Variants in EBF3 observed in about 807,000 individuals in gnomAD.
The protein encoded by EBF3 is EBF transcription factor 3, also known as transcription factor COE3.
Under a neutral mutation model 77.1 loss-of-function variants are expected in EBF3, and 18 were observed. The observed-to-expected ratio is 0.23, with a 90% confidence interval of 0.16 to 0.35. The LOEUF is 0.35. Among genes scored for constraint, EBF3 ranks in the 10% least tolerant of loss-of-function variants. The pLI, the probability that EBF3 is intolerant of heterozygous loss-of-function variation, is 1.00. For missense variants in EBF3, 558 were observed against 860.0 expected (o/e 0.65, Z 4.39); for synonymous variants, 350 against 343.5 (o/e 1.02, Z -0.21).
rs1231007613 is a variant in EBF3 at position 129,963,948 on chromosome 10, G to T, written c.-180C>A. 3 of 1,044,016 alleles carry T rather than the reference G, an allele frequency of 2.9e-6. No homozygotes were observed. Among genetic ancestry groups the T allele is most frequent in the Non-Finnish European group, 3.4e-6 (3 of 870,244 alleles). The allele number at this position is 1,044,016 out of a possible 1,614,324, so 64.7% of individuals were successfully genotyped here. ...GCGCGACATACACCAGCGGCCGGGC[G>T]CTCCGGACGGCCAGGGGCGCGGAGG... On this transcript the variant is annotated 5_prime_UTR_variant, in exon 1 of 17. Coordinates refer to ENST00000440978, the MANE Select transcript of EBF3 (RefSeq NM_001375380.1). The surrounding 1 kb of genome is among the most constrained non-coding windows in gnomAD (Gnocchi z 7.1).
Position 129,840,887 on chromosome 10 carries a change from C to A in EBF3, c.1518G>T (p.Ser506=), listed in dbSNP as rs372476626. The change falls in exon 14 of 17, where the codon TCG becomes TCT. Residue 506 remains serine, a synonymous_variant. Coordinates refer to ENST00000440978, the MANE Select transcript of EBF3 (RefSeq NM_001375380.1). The stretch of plus-strand genomic sequence containing the variant: ...CGGAGGAGCCATTAAGAAATCCAGG[C>A]GAGCCAGGGACCCCTAGACTGGCCA... ...GAMASLGVPG[S]PGFLNGSSAN... The A allele has an allele frequency of 1.2e-6, 2 of 1,613,774 alleles. No homozygotes were observed. The highest frequency in any genetic ancestry group is 1.1e-5 in the South Asian group (1 of 91,050).
In EBF3 at chr10:129,868,619, G is replaced by A. The variant is rs560669278; in HGVS notation, c.782-707C>T. Among the ~76,000 whole-genome samples, 62 of 152,336 alleles carry A rather than the reference G, an allele frequency of 4.1e-4. 1 individual carries two copies. In the South Asian group the frequency reaches 6.2e-3, roughly 15 times the overall value. On this transcript the variant is annotated intron_variant, in intron 8 of 16. Transcript: ENST00000440978. The stretch of plus-strand genomic sequence containing the variant: ...CAGCCCTGCTGGGGCGGGAGGGGTT[G>A]GGGGCACACAGACAGCAGAAGGAGG...
chr10:129,919,645 A>G (rs991669461), intron 6 of EBF3, among the ~76,000 whole-genome samples: 2 of 152,190 alleles, frequency 1.3e-5, no homozygotes, highest in Admixed American at 1.3e-4. Flanking sequence ...TCCAGAGCAC[A>G]GCTCAAGTGT....
chr10:129,865,078 C>A (rs1324681068), intron 10 of EBF3, among the ~76,000 whole-genome samples: 1 of 152,142 alleles, frequency 6.6e-6, no homozygotes, highest in Non-Finnish European at 1.5e-5. Context: ...GCCTCTACAG[C>A]CAGATGTGCC....
At chr10:129,838,192 A>G (rs1240351921) in intron 16 of EBF3, among the ~76,000 whole-genome samples, 2 of 147,712 alleles carry the variant, frequency 1.4e-5, no homozygotes, top group East Asian at 3.9e-4. Context: ...AGCCCTCCTC[A>G]AAGGCTTCTT....
In EBF3 at chr10:129,963,283, G is replaced by A. The variant is rs768463449; in HGVS notation, c.291+84C>T. 2 of 1,534,258 alleles carry A rather than the reference G, an allele frequency of 1.3e-6. No individual in the cohort carries two copies. Among genetic ancestry groups the A allele is most frequent in the Non-Finnish European group, 8.8e-7 (1 of 1,142,120 alleles). On this transcript the variant is annotated intron_variant, in intron 2 of 16. Coordinates refer to ENST00000440978, the MANE Select transcript of EBF3 (RefSeq NM_001375380.1). The surrounding 1 kb of genome is among the most constrained non-coding windows in gnomAD (Gnocchi z 7.1). ...GGCGGAGCCGAGCCCGCCGCCTAGG[G>A]GGGCACTCGAACCCCCGCGCACCGG... is the stretch of plus-strand genomic sequence containing the variant.
chr10:129,914,675 G>A (rs1253855307), intron 6 of EBF3, among the ~76,000 whole-genome samples: 2 of 152,204 alleles, frequency 1.3e-5, no homozygotes, highest in East Asian at 1.9e-4. Context: ...CGGTCCATCT[G>A]AAAGCACGGG....
chr10:129,866,020 G>A (rs931733613), intron 10 of EBF3, among the ~76,000 whole-genome samples: 9 of 152,214 alleles, frequency 5.9e-5, no homozygotes, highest in Non-Finnish European at 5.9e-5. Context: ...ACTGTCACTC[G>A]GTTCCAGCAG....
At chr10:129,856,674 G>T (rs1008672939) in intron 10 of EBF3, among the ~76,000 whole-genome samples, 1 of 152,186 alleles carries the variant, frequency 6.6e-6, no homozygotes, top group South Asian at 2.1e-4. Context: ...AGAGACAGAC[G>T]CTACCCAAGG....
chr10:129,943,976 C>T lies in EBF3; in HGVS notation c.554+13282G>A, dbSNP rs565050768. On this transcript the variant is annotated intron_variant, in intron 6 of 16. Transcript: ENST00000440978. This position sits in a 1 kb window ranked among gnomAD's most constrained non-coding sequence, Gnocchi z 8.8. ...TCCATGGGTAAAATATCTCCCCAGACCTTCCCACCCTATGCGTGATTTCTG... is the reference window on the plus strand; with the variant it reads ...TCCATGGGTAAAATATCTCCCCAGATCTTCCCACCCTATGCGTGATTTCTG... 2.2e-4 allele frequency among the ~76,000 whole-genome samples: 34 copies of T among 152,314 alleles called. No individual in the cohort carries two copies. Among genetic ancestry groups the T allele is most frequent in the African/African-American group, 7.5e-4 (31 of 41,546 alleles).
intron 6 of EBF3, among the ~76,000 whole-genome samples, chr10:129,888,879 C>CA (rs1278516133): frequency 1.3e-5 from 2 of 150,674 alleles, no homozygotes; most frequent in Admixed American, 6.6e-5. Context: ...TCTGCAATTA[C>CA]AAAAAAAAAG....
chr10:129,838,043 TC>T, intron 16 of EBF3, 83 bp from the exon 17 acceptor site: 1 of 1,537,774 alleles, frequency 6.5e-7, no homozygotes, highest in Non-Finnish European at 9.0e-7. Context: ...GGGCTGCCCT[TC>T]CCCCCTATTC....
chr10:129,873,327 T>G lies in EBF3; in HGVS notation c.781+125A>C. ...CTCGGGGACACCCCCTCATCCTGCCTTGGTGCAGGAGGTCTGACCAAGGGC... is the reference window on the plus strand; with the variant it reads ...CTCGGGGACACCCCCTCATCCTGCCGTGGTGCAGGAGGTCTGACCAAGGGC... On this transcript the variant is annotated intron_variant, in intron 8 of 16. Transcript: ENST00000440978. 3 of 1,166,806 alleles carry G rather than the reference T, an allele frequency of 2.6e-6. No homozygotes were observed. In the South Asian group the frequency reaches 1.1e-4, roughly 42 times the overall value. The allele number at this position is 1,166,806 out of a possible 1,614,324, so 72.3% of individuals were successfully genotyped here.
At chr10:129,881,446 G>A (rs1853201624) in intron 6 of EBF3, among the ~76,000 whole-genome samples, 2 of 152,184 alleles carry the variant, frequency 1.3e-5, no homozygotes, top group Admixed American at 6.5e-5. Flanking sequence ...CCCAGGCAGA[G>A]GGGAAGACAG....
In EBF3 at chr10:129,841,041, A is replaced by ACC. The variant is rs1554892366; in HGVS notation, c.1373-10_1373-9insGG. The ACC allele has an allele frequency of 3.5e-5, 38 of 1,076,630 alleles. No homozygotes were observed. The highest frequency in any genetic ancestry group is 1.3e-4 in the South Asian group (8 of 62,168). 66.7% of individuals were successfully genotyped at this position (1,076,630 alleles called of 1,614,324 possible). ...ATTGCGACTGTAGCCGACTGTTGAA[A>ACC]TCCCCCCCCCGGCCAAAAATAACAT... On this transcript the variant is annotated splice_polypyrimidine_tract_variant and intron_variant, in intron 13 of 16. Transcript: ENST00000440978. The surrounding 1 kb of genome is among the most constrained non-coding windows in gnomAD (Gnocchi z 4.6).
chr10:129,849,153 A>G (rs1850679393), intron 10 of EBF3, among the ~76,000 whole-genome samples: 1 of 152,246 alleles, frequency 6.6e-6, no homozygotes, highest in Non-Finnish European at 1.5e-5. Flanking sequence ...TGTACAGTGC[A>G]TGAATCACGG....
intron 6 of EBF3, among the ~76,000 whole-genome samples, chr10:129,882,889 T>TGTTCTCACCTA (rs1486881182): frequency 4.6e-5 from 7 of 152,254 alleles, no homozygotes; most frequent in African/African-American, 1.7e-4. Context: ...CTGCCGCTGT[T>TGTTCTCACCTA]GTTCTCACCT....
chr10:129,950,049 AGGCAGG>A (rs1295489948), intron 6 of EBF3, among the ~76,000 whole-genome samples: 1 of 86,860 alleles, frequency 1.2e-5, no homozygotes, highest in African/African-American at 4.6e-5. Context: ...AGGGGGGCGG[AGGCAGG>A]GGCGGCGGCT....
intron 4 of EBF3, among the ~76,000 whole-genome samples, chr10:129,960,366 G>T (rs1486598927): frequency 6.6e-6 from 1 of 152,132 alleles, no homozygotes; most frequent in East Asian, 1.9e-4. Context: ...GGTTCCCCGC[G>T]AACCCCGCTC....
Sources: allele counts gnomAD v4.1 joint callset (sites outside exome capture counted in the v4.1 genomes callset), GRCh38; gene constraint gnomAD v4.1.1; non-coding constraint Gnocchi (gnomAD v3.1); transcripts MANE v1.5; gene names NCBI Gene and HGNC (gene_info 2026-07-23, HGNC 2026-07-21).